Variants in ANO4 observed in about 807,000 individuals in gnomAD.
ANO4 encodes anoctamin-4.
ANO4 carries 69 observed loss-of-function variants against 141.9 expected under a neutral mutation model. The observed-to-expected ratio is 0.49, with a 90% CI of 0.40 to 0.59. ANO4 has a LOEUF of 0.59. Ranked by LOEUF, ANO4 falls within the 20% of genes least tolerant of loss-of-function variation. ANO4 has a pLI of 0.00. For missense variants in ANO4, 894 were observed against 1,162.2 expected (o/e 0.77, Z 3.36); for synonymous variants, 350 against 394.3 (o/e 0.89, Z 1.33).
chr12:101,004,214 G>C (rs184617165), intron 8 of ANO4, among the ~76,000 whole-genome samples: 1 of 152,160 alleles, frequency 6.6e-6, no homozygotes, highest in African/African-American at 2.4e-5. Flanking sequence ...ATAACTGCAG[G>C]AAGTGAAGCA....
intron 1 of ANO4, among the ~76,000 whole-genome samples, chr12:100,846,948 C>CTG (rs2037598039): frequency 1.5e-5 from 1 of 67,010 alleles, no homozygotes; most frequent in South Asian, 3.9e-4. Flanking sequence ...CTTCCACACC[C>CTG]CCCCCCAACT....
intron 1 of ANO4, among the ~76,000 whole-genome samples, chr12:100,725,874 TCTA>T (rs2031093524): frequency 6.6e-6 from 1 of 152,192 alleles, no homozygotes; most frequent in African/African-American, 2.4e-5. Context: ...TCTCCCACTT[TCTA>T]GTTGTGTGAT....
chr12:100,834,014 A>G (rs1565918118), intron 1 of ANO4, among the ~76,000 whole-genome samples: 2 of 152,116 alleles, frequency 1.3e-5, no homozygotes, highest in Non-Finnish European at 2.9e-5. Flanking sequence ...TGGGAGGGCT[A>G]AGGTAGCTCA....
intron 14 of ANO4, chr12:101,069,189 G>T: frequency 7.8e-7 from 1 of 1,276,752 alleles, no homozygotes; most frequent in Non-Finnish European, 1.1e-6. Context: ...GCGAGGAACA[G>T]TGTCTCCCTT....
intron 26 of ANO4, among the ~76,000 whole-genome samples, chr12:101,122,230 G>T (rs557529091): frequency 6.6e-6 from 1 of 152,096 alleles, no homozygotes; most frequent in South Asian, 2.1e-4. Flanking sequence ...ACTTTTTAAT[G>T]GGGTTATTTG....
rs1319818092 is a variant in ANO4, at chr12:101,103,203, A to C, written c.2149+3483A>C. On this transcript the variant is annotated intron_variant, in intron 22 of 27. Transcript: ENST00000392977. Reference sequence around the variant, plus strand: ...TCATTTTATATATATATATATATATATATATATATATATATATATATATAT... The same window carrying C: ...TCATTTTATATATATATATATATATCTATATATATATATATATATATATAT... 2.1e-4 allele frequency among the ~76,000 whole-genome samples: 16 copies of C among 77,918 alleles called. No individual in the cohort carries two copies. In the Admixed American group the frequency reaches 2.2e-3, roughly 11 times the overall value. The allele number at this position is 77,918 out of a possible 152,430, so 51.1% of individuals were successfully genotyped here. A position where few individuals can be genotyped will look rare whatever the true frequency, so the allele number is the denominator to read the frequency against.
At chr12:101,072,172 A>G (rs992718206) in intron 14 of ANO4, among the ~76,000 whole-genome samples, 26 of 152,186 alleles carry the variant, frequency 1.7e-4, no homozygotes, top group African/African-American at 5.6e-4. Context: ...TGGGTGGATG[A>G]GTTCCTTCCA....
At chr12:100,800,888 T>C (rs1011827110) in intron 1 of ANO4, among the ~76,000 whole-genome samples, 2 of 152,236 alleles carry the variant, frequency 1.3e-5, no homozygotes, top group African/African-American at 4.8e-5. Context: ...AAATTTACAG[T>C]GCTCTCACTT....
At chr12:101,051,988 A>G (rs2047891890) in intron 14 of ANO4, among the ~76,000 whole-genome samples, 1 of 152,226 alleles carries the variant, frequency 6.6e-6, no homozygotes, top group African/African-American at 2.4e-5. Context: ...AGCATTAAAG[A>G]AAACAAATGC....
chr12:101,074,622 A>T (rs565954868), intron 14 of ANO4, among the ~76,000 whole-genome samples: 4 of 152,206 alleles, frequency 2.6e-5, no homozygotes, highest in Non-Finnish European at 5.9e-5. Context: ...CACAGGGTCC[A>T]TACAACCAAA....
intron 3 of ANO4, among the ~76,000 whole-genome samples, chr12:100,926,133 T>C (rs980742860): frequency 2.0e-5 from 3 of 152,134 alleles, no homozygotes; most frequent in African/African-American, 7.2e-5. Context: ...TGCTAAATAC[T>C]AAATTAAATA....
chr12:100,940,537 G>T (rs910713876), intron 4 of ANO4, among the ~76,000 whole-genome samples: 1 of 152,186 alleles, frequency 6.6e-6, no homozygotes, highest in African/African-American at 2.4e-5. Context: ...TATTCAGGTA[G>T]ACTCCTGAGT....
At chr12:100,799,330 G>A (rs1052031516) in intron 1 of ANO4, among the ~76,000 whole-genome samples, 3 of 152,168 alleles carry the variant, frequency 2.0e-5, no homozygotes, top group Admixed American at 1.3e-4. Flanking sequence ...TGACAGTGAC[G>A]TGAGCATCAG....
chr12:101,113,975 T>C (rs540739824), intron 24 of ANO4, among the ~76,000 whole-genome samples: 25 of 152,196 alleles, frequency 1.6e-4, no homozygotes, highest in Non-Finnish European at 2.5e-4. Context: ...AAAACTGACT[T>C]TATATTCACA....
chr12:100,972,675 A>G (rs1453040187), intron 6 of ANO4, among the ~76,000 whole-genome samples: 1 of 152,232 alleles, frequency 6.6e-6, no homozygotes, highest in East Asian at 1.9e-4. Context: ...AATATGTATC[A>G]ATGATATAAT....
chr12:100,918,249 C>T (rs1222858921), intron 2 of ANO4, among the ~76,000 whole-genome samples: 3 of 152,146 alleles, frequency 2.0e-5, no homozygotes, highest in African/African-American at 7.2e-5. Flanking sequence ...ATTGCTTGAG[C>T]CTAGGAGGTT....
intron 14 of ANO4, among the ~76,000 whole-genome samples, chr12:101,078,596 C>T (rs934353279): frequency 6.6e-6 from 1 of 152,146 alleles, no homozygotes; most frequent in African/African-American, 2.4e-5. Flanking sequence ...CACTTTTACC[C>T]TCATTGTGGC....
intron 6 of ANO4, among the ~76,000 whole-genome samples, chr12:100,973,933 T>C (rs2044041168): frequency 6.6e-6 from 1 of 152,194 alleles, no homozygotes; most frequent in African/African-American, 2.4e-5. Flanking sequence ...GTTTTAAAGC[T>C]TTCACAAATA....
chr12:101,089,448 TC>T (rs2049656892), intron 17 of ANO4, among the ~76,000 whole-genome samples: 1 of 152,066 alleles, frequency 6.6e-6, no homozygotes, highest in Admixed American at 6.6e-5. Context: ...GGTTAGCACT[TC>T]CTGTACCTCC....
Sources: allele counts gnomAD v4.1 joint callset (sites outside exome capture counted in the v4.1 genomes callset), GRCh38; gene constraint gnomAD v4.1.1; transcripts MANE v1.5; gene names NCBI Gene and HGNC (gene_info 2026-07-23, HGNC 2026-07-21).